The following CYFIP1 variants were observed in gnomAD, a reference collection of about 807,000 sequenced individuals.
CYFIP1 encodes the protein cytoplasmic FMR1-interacting protein 1.
A neutral mutation model predicts 163.5 loss-of-function variants in CYFIP1; 58 were observed. The ratio of observed to expected loss-of-function variants is 0.35; its 90% confidence interval spans 0.29 to 0.44. The LOEUF is 0.44. Among genes scored for constraint, CYFIP1 ranks in the 20% least tolerant of loss-of-function variants. The pLI, the probability that CYFIP1 is intolerant of heterozygous loss-of-function variation, is 1.00. For synonymous variants in CYFIP1, 663 were observed against 660.7 expected, an observed-to-expected ratio of 1.00 and a Z score of -0.05; for missense variants, 1,338 against 1,653.8, an observed-to-expected ratio of 0.81 and a Z score of 3.31.
At chr15:22,875,109 G>T in intron 27 of CYFIP1, 90 bp downstream of exon 27, 1 of 1,229,744 alleles carries the variant, frequency 8.1e-7, no homozygotes. Flanking sequence ...CCCACAATCT[G>T]CACTGGTCCT....
chr15:22,943,499 G>A (rs1278606066), intron 5 of CYFIP1, 145 bp from the exon 6 acceptor site: 2 of 838,676 alleles, frequency 2.4e-6, no homozygotes, highest in Non-Finnish European at 3.6e-6. Context: ...TTACAATGTG[G>A]GCAACCAGAC....
chr15:22,971,248 GAATT>G (rs2140257189), intron 1 of CYFIP1, among the ~76,000 whole-genome samples: 1 of 152,286 alleles, frequency 6.6e-6, no homozygotes, highest in African/African-American at 2.4e-5. Context: ...GGCAACAACA[GAATT>G]AATAGACCAG....
intron 22 of CYFIP1, among the ~76,000 whole-genome samples, chr15:22,897,597 C>T (rs2060277746): frequency 6.6e-6 from 1 of 152,084 alleles, no homozygotes; most frequent in Non-Finnish European, 1.5e-5. Context: ...GATCCTCCCG[C>T]CTCAGCCTCC....
At chr15:22,965,869 C>T (rs1485874984) in intron 1 of CYFIP1, among the ~76,000 whole-genome samples, 3 of 152,042 alleles carry the variant, frequency 2.0e-5, no homozygotes, top group Admixed American at 6.6e-5. Flanking sequence ...GGATCAAAGG[C>T]GATAATGAAG....
At chr15:22,902,723 C>T (rs1456088223) in intron 22 of CYFIP1, among the ~76,000 whole-genome samples, 1 of 152,208 alleles carries the variant, frequency 6.6e-6, no homozygotes, top group Non-Finnish European at 1.5e-5. Flanking sequence ...CACCTGCAGC[C>T]CAGAGCGCGT....
At position 22,894,823 on chromosome 15, in the gene CYFIP1, T is replaced by C. The variant is rs553775489; in HGVS notation, c.2589-1846A>G. ...TACATGTATTTATTCTATATAATTATATATATACATTTATAGTCTATATGT... is the reference window on the plus strand; with the variant it reads ...TACATGTATTTATTCTATATAATTACATATATACATTTATAGTCTATATGT... On this transcript the variant is annotated intron_variant, in intron 22 of 30. Coordinates refer to ENST00000617928, the MANE Select transcript of CYFIP1 (RefSeq NM_014608.6). 3.1e-3 allele frequency among the ~76,000 whole-genome samples: 463 copies of C among 147,508 alleles called. 2 individuals are homozygous for C. Among genetic ancestry groups the C allele is most frequent in the African/African-American group, 0.011 (437 of 40,708 alleles).
chr15:22,978,709 G>C (rs1257077117), intron 1 of CYFIP1, among the ~76,000 whole-genome samples: 2 of 152,122 alleles, frequency 1.3e-5, no homozygotes, highest in Admixed American at 6.6e-5. Context: ...CTGTATCCGA[G>C]AGCCACACTT....
chr15:22,967,035 G>C (rs994444048), intron 1 of CYFIP1, among the ~76,000 whole-genome samples: 2 of 151,696 alleles, frequency 1.3e-5, no homozygotes, highest in African/African-American at 4.8e-5. Context: ...AATAAAAAAA[G>C]CTGATAAAAG....
rs2059308615 is a variant in CYFIP1 at position 22,868,500 on chromosome 15, T to C, written c.*1528A>G. The C allele has an allele frequency of 6.6e-6, 1 of 152,322 alleles. No individual in the cohort carries two copies. The highest frequency in any genetic ancestry group is 2.1e-4 in the South Asian group (1 of 4,832). The allele number at this position is 152,322 out of a possible 1,614,324, so 9.4% of individuals were successfully genotyped here. A position where few individuals can be genotyped will look rare whatever the true frequency, so the allele number is the denominator to read the frequency against. On this transcript the variant is annotated 3_prime_UTR_variant, in exon 31 of 31. Transcript: ENST00000617928. ...TACCATAATTTTTCATCCTATTCTG[T>C]AGTTTCTAAGATAAGCACAGCTACC...
In CYFIP1 at chr15:22,917,576, T is replaced by C. The variant is rs1200973907; in HGVS notation, c.1674+212A>G. 2 of 625,538 alleles carry C rather than the reference T, an allele frequency of 3.2e-6. No homozygotes were observed. The highest frequency in any genetic ancestry group is 2.6e-6 in the Non-Finnish European group (1 of 379,380). The allele number at this position is 625,538 out of a possible 1,614,324, so 38.7% of individuals were successfully genotyped here. ...GAGTCAGACTCCTTTTTAGTGCACA[T>C]GACACATCTGACAATCAAGGCACGT... On this transcript the variant is annotated intron_variant, in intron 15 of 30. Transcript: ENST00000617928. The surrounding 1 kb of genome is among the most constrained non-coding windows in gnomAD (Gnocchi z 4.2).
chr15:22,903,085 T>G (rs1434256376), intron 22 of CYFIP1, among the ~76,000 whole-genome samples: 1 of 152,176 alleles, frequency 6.6e-6, no homozygotes, highest in East Asian at 1.9e-4. Flanking sequence ...TGGAGCTCAG[T>G]GGCCAGGCAC....
chr15:22,962,385 T>C lies in CYFIP1; in HGVS notation c.-6-15094A>G, dbSNP rs556147757. On this transcript the variant is annotated intron_variant, in intron 1 of 30. Coordinates refer to ENST00000617928, the MANE Select transcript of CYFIP1 (RefSeq NM_014608.6). ...TTCTGCATAAACTGTATCTCATCTA[T>C]ATTCTTCTTTTTTTTCTTTTTTTTT... Among the ~76,000 whole-genome samples, 355 of 150,416 alleles carry C rather than the reference T, an allele frequency of 2.4e-3. 6 individuals carry two copies. The highest frequency in any genetic ancestry group is 8.2e-3 in the African/African-American group (333 of 40,820).
At chr15:22,878,039 C>T (rs1477992169) in intron 26 of CYFIP1, among the ~76,000 whole-genome samples, 1 of 152,216 alleles carries the variant, frequency 6.6e-6, no homozygotes, top group Non-Finnish European at 1.5e-5. Flanking sequence ...CTGTTCTTCC[C>T]AAACACAACT....
chr15:22,978,706 C>A (rs892142668), intron 1 of CYFIP1, among the ~76,000 whole-genome samples: 1 of 152,020 alleles, frequency 6.6e-6, no homozygotes, highest in Non-Finnish European at 1.5e-5. Context: ...AGGCTGTATC[C>A]GAGAGCCACA....
rs954829991 is a variant in CYFIP1, at chr15:22,947,659, G to A, written c.-6-368C>T. On this transcript the variant is annotated intron_variant, in intron 1 of 30. Coordinates refer to ENST00000617928, the MANE Select transcript of CYFIP1 (RefSeq NM_014608.6). ...TGACGACCCCCTCAAAGTGCTGGAGGGGCAGCACCTCTCCAATGCCACATC... is the reference window on the plus strand; with the variant it reads ...TGACGACCCCCTCAAAGTGCTGGAGAGGCAGCACCTCTCCAATGCCACATC... Among the ~76,000 whole-genome samples, 2 of 152,282 alleles carry A rather than the reference G, an allele frequency of 1.3e-5. 1 individual carries two copies. The highest frequency in any genetic ancestry group is 2.9e-5 in the Non-Finnish European group (2 of 68,016).
intron 29 of CYFIP1, among the ~76,000 whole-genome samples, chr15:22,873,239 C>T (rs1411075067): frequency 6.6e-6 from 1 of 152,144 alleles, no homozygotes; most frequent in Non-Finnish European, 1.5e-5. Context: ...CTATGGACCT[C>T]CCACCTAGAA....
intron 9 of CYFIP1, among the ~76,000 whole-genome samples, chr15:22,934,173 C>CTTTTT (rs2061629199): frequency 1.3e-5 from 1 of 76,304 alleles, no homozygotes; most frequent in Non-Finnish European, 2.5e-5. Flanking sequence ...CACTGCATTT[C>CTTTTT]TTTCTTTTTT....
At chr15:22,901,070 G>A (rs2060379095) in intron 22 of CYFIP1, among the ~76,000 whole-genome samples, 1 of 151,778 alleles carries the variant, frequency 6.6e-6, no homozygotes, top group Non-Finnish European at 1.5e-5. Context: ...AGGCATGGTG[G>A]CATGCATCTG....
chr15:22,875,556 G>C (rs2059557965), intron 26 of CYFIP1: 1 of 353,126 alleles, frequency 2.8e-6, no homozygotes, highest in Non-Finnish European at 5.4e-6. Context: ...TATAGACACA[G>C]GTAAGACCCA....
Sources: gnomAD v4.1 joint callset for allele counts (sites outside exome capture counted in the v4.1 genomes callset) on GRCh38, gnomAD v4.1.1 for gene constraint, Gnocchi (gnomAD v3.1) non-coding constraint, MANE v1.5 for transcripts, NCBI Gene and HGNC (gene_info 2026-07-23, HGNC 2026-07-21) for gene names.